ZNF717: variants seen among roughly 807,000 people sequenced by gnomAD.
ZNF717 encodes the protein zinc finger protein 717.
In ZNF717, 9 loss-of-function variants were observed where a neutral mutation model predicts 13.8. The observed-to-expected ratio is 0.65, with a 90% confidence interval of 0.39 to 1.14. ZNF717 has a LOEUF of 1.14. Among genes scored for constraint, ZNF717 ranks in the 50% most tolerant of loss-of-function variants. ZNF717 has a pLI of 0.01. For synonymous variants in ZNF717, 327 were observed against 364.1 expected (o/e 0.90, Z 1.16); for missense variants, 1,040 against 1,080.7 (o/e 0.96, Z 0.53).
exon 6 of ZNF717, chr3:75,730,443 A>G: frequency 2.0e-6 from 1 of 508,194 alleles, no homozygotes; most frequent in Non-Finnish European, 3.4e-6. Context: ...ATCTGCCATG[A>G]TCACAGCTAG....
intron 4 of ZNF717, among the ~76,000 whole-genome samples, chr3:75,721,852 GA>G (rs33935939): frequency 0.84 from 126,747 of 151,598 alleles, 52,941 homozygotes; most frequent in East Asian, 0.89. Context: ...AAGTTAAAAG[GA>G]AAAAAAAATT....
intron 4 of ZNF717, among the ~76,000 whole-genome samples, chr3:75,740,175 T>C (rs924826978): frequency 6.6e-5 from 10 of 152,340 alleles, no homozygotes; most frequent in African/African-American, 2.4e-4. Flanking sequence ...AAGGGTTTTA[T>C]TTTGTGTTTT....
chr3:75,768,709 G>A lies in ZNF717; in HGVS notation c.57+14597C>T, dbSNP rs1196680243. Reference sequence around the variant, plus strand: ...CACACCCTCATTCAGTCCTCACTGCGGCTGAGTGTGTGGGGGGTAGATGAC... The same window carrying A: ...CACACCCTCATTCAGTCCTCACTGCAGCTGAGTGTGTGGGGGGTAGATGAC... On this transcript the variant is annotated intron_variant, in intron 2 of 4. Transcript: ENST00000652011. Among the ~76,000 whole-genome samples, 21 of 150,956 alleles carry A rather than the reference G, an allele frequency of 1.4e-4. No homozygotes were observed. The East Asian group carries it at 3.0e-3, about 21-fold the overall frequency.
At chr3:75,766,851 G>C (rs1017635787) in intron 2 of ZNF717, among the ~76,000 whole-genome samples, 4 of 152,250 alleles carry the variant, frequency 2.6e-5, no homozygotes, top group Non-Finnish European at 5.9e-5. Flanking sequence ...AGCCTCAAAT[G>C]TCTGAAAACC....
chr3:75,759,486 C>T (rs59683965), intron 2 of ZNF717, among the ~76,000 whole-genome samples: 3 of 86,022 alleles, frequency 3.5e-5, no homozygotes, highest in Non-Finnish European at 5.9e-5. Flanking sequence ...TGTGTTAGCC[C>T]GGATGGTCTC....
intron 2 of ZNF717, among the ~76,000 whole-genome samples, chr3:75,760,672 T>C (rs1367928345): frequency 1.3e-5 from 2 of 151,848 alleles, no homozygotes; most frequent in African/African-American, 4.8e-5. Flanking sequence ...AAACCCATGC[T>C]AAAGGGAAGC....
chr3:75,777,156 C>A (rs189887029), intron 2 of ZNF717, among the ~76,000 whole-genome samples: 5 of 152,252 alleles, frequency 3.3e-5, no homozygotes, highest in African/African-American at 9.6e-5. Flanking sequence ...AAAAAATGTG[C>A]AACTATAAGG....
In ZNF717 at chr3:75,741,508, C is replaced by A. The variant is rs539607906; in HGVS notation, c.184+102G>T. 2.2e-5 allele frequency: 32 copies of A among 1,468,748 alleles called. No homozygotes were observed. The South Asian group carries it at 3.8e-4, about 17-fold the overall frequency. 91.0% of individuals were successfully genotyped at this position (1,468,748 alleles called of 1,614,324 possible). A position where few individuals can be genotyped will look rare whatever the true frequency, so the allele number is the denominator to read the frequency against. On this transcript the variant is annotated intron_variant, in intron 3 of 4. Coordinates refer to ENST00000652011, the MANE Select transcript of ZNF717 (RefSeq NM_001290208.3). ...ATTAGAGTAGTGACACATTTTTCAT[C>A]AACTGGAAGCTTACAAGTAAATATT...
rs76886581 is a variant in ZNF717, at chr3:75,710,055, C to T, written n.1929G>A. On this transcript the variant is annotated non_coding_transcript_exon_variant, in exon 6 of 6. Coordinates refer to the ZNF717 transcript ENST00000491507. ...TCTACCTGGAGTTCATTATTAAGTT[C>T]GATTTTGTCTGTTCTGTAGTCTTTT... 3.9e-5 allele frequency: 6 copies of T among 151,986 alleles called. No individual in the cohort carries two copies. The East Asian group carries it at 7.7e-4, about 20-fold the overall frequency. The allele number at this position is 151,986 out of a possible 1,614,324, so 9.4% of individuals were successfully genotyped here.
In ZNF717 at chr3:75,737,298, C is replaced by A. The variant is rs76384928; in HGVS notation, c.2325G>T (p.Thr775=). 126 of 1,460,338 alleles carry A rather than the reference C, an allele frequency of 8.6e-5. No individual in the cohort carries two copies. The highest frequency in any genetic ancestry group is 1.1e-4 in the Non-Finnish European group (121 of 1,064,920). The allele number at this position is 1,460,338 out of a possible 1,614,324, so 90.5% of individuals were successfully genotyped here. A position where few individuals can be genotyped will look rare whatever the true frequency, so the allele number is the denominator to read the frequency against. The change falls in exon 5 of 5, where the codon ACG becomes ACT. Residue 775 remains threonine, a synonymous_variant. Coordinates refer to ENST00000652011, the MANE Select transcript of ZNF717 (RefSeq NM_001290208.3). ...KTFCHKSNLS[T]HQGTHSGEKP... Reference sequence around the variant, plus strand: ...TCTCTCCTGAGTGAGTCCCCTGATGCGTACTGAGGTTTGACTTGTGACAAA... The same window carrying A: ...TCTCTCCTGAGTGAGTCCCCTGATGAGTACTGAGGTTTGACTTGTGACAAA...
At chr3:75,727,008 G>A (rs77317393), downstream of ZNF717, among the ~76,000 whole-genome samples, 7 of 152,164 alleles carry the variant, frequency 4.6e-5, no homozygotes, top group South Asian at 2.1e-4. Flanking sequence ...ACCTTCTTGC[G>A]GGAAGTCAGA....
chr3:75,733,834 AAG>A (rs1401626252), downstream of ZNF717, among the ~76,000 whole-genome samples: 1 of 149,242 alleles, frequency 6.7e-6, no homozygotes, highest in African/African-American at 2.5e-5. Context: ...TGAAAGTAAA[AAG>A]AGAGTGGAAT....
At chr3:75,743,325 A>ATG (rs1940713861) in intron 2 of ZNF717, among the ~76,000 whole-genome samples, 1 of 152,206 alleles carries the variant, frequency 6.6e-6, no homozygotes, top group Non-Finnish European at 1.5e-5. Flanking sequence ...CACAGAGACA[A>ATG]TCATCTATTT....
At chr3:75,734,710 C>T (rs1938928103), downstream of ZNF717, among the ~76,000 whole-genome samples, 1 of 151,178 alleles carries the variant, frequency 6.6e-6, no homozygotes, top group East Asian at 1.9e-4. Flanking sequence ...CCTGGGATTA[C>T]AGGCATAAGC....
intron 4 of ZNF717, among the ~76,000 whole-genome samples, chr3:75,719,175 G>A (rs1485763446): frequency 6.6e-6 from 1 of 151,642 alleles, no homozygotes; most frequent in Admixed American, 6.6e-5. Flanking sequence ...CATGCCTGTG[G>A]TCTCAGGTAC....
chr3:75,753,120 C>T (rs1398593454), intron 2 of ZNF717, among the ~76,000 whole-genome samples: 8 of 150,928 alleles, frequency 5.3e-5, no homozygotes, highest in East Asian at 3.9e-4. Flanking sequence ...AATATCTGTC[C>T]GTTACATAGG....
intron 2 of ZNF717, among the ~76,000 whole-genome samples, chr3:75,764,996 T>TGTATATATATATATATATAG (rs1943330439): frequency 2.0e-4 from 6 of 30,254 alleles, no homozygotes; most frequent in African/African-American, 9.7e-4. Flanking sequence ...AAAGGATATA[T>TGTATATATATATATATATAG]ATATATATAT....
chr3:75,770,332 G>A lies in ZNF717; in HGVS notation c.57+12974C>T, dbSNP rs552292916. Among the ~76,000 whole-genome samples the A allele has an allele frequency of 3.2e-4, 49 of 152,292 alleles. 1 individual carries two copies. The highest frequency in any genetic ancestry group is 1.5e-3 in the Admixed American group (23 of 15,296). On this transcript the variant is annotated intron_variant, in intron 2 of 4. Transcript: ENST00000652011. ...TCCCAGCACTTTGGGAGGCCGAGGCGGGCAGATCACCTGAGGTCGGGAGTT... is the reference window on the plus strand; with the variant it reads ...TCCCAGCACTTTGGGAGGCCGAGGCAGGCAGATCACCTGAGGTCGGGAGTT...
downstream of ZNF717, among the ~76,000 whole-genome samples, chr3:75,731,759 T>A (rs1487519044): frequency 2.2e-4 from 33 of 151,816 alleles, no homozygotes; most frequent in Non-Finnish European, 3.1e-4. Context: ...AAAAAAAAAA[T>A]TTAAATAAAA....
Sources: gnomAD v4.1 joint callset for allele counts (sites outside exome capture counted in the v4.1 genomes callset) on GRCh38, gnomAD v4.1.1 for gene constraint, MANE v1.5 for transcripts, NCBI Gene and HGNC (gene_info 2026-07-23, HGNC 2026-07-21) for gene names.